The following CERS5 variants were observed in gnomAD, a reference collection of about 807,000 sequenced individuals.
CERS5 encodes the protein ceramide synthase 5.
CERS5 carries 37 observed loss-of-function variants against 58.9 expected under a neutral mutation model. The ratio of observed to expected loss-of-function variants is 0.63; its 90% confidence interval spans 0.48 to 0.83. CERS5 has a LOEUF of 0.83. Ranked by LOEUF, CERS5 falls within the 40% of genes least tolerant of loss-of-function variation. CERS5 has a pLI of 0.00. For synonymous variants in CERS5, 147 were observed against 177.8 expected (o/e 0.83, Z 1.38); for missense variants, 398 against 489.3 (o/e 0.81, Z 1.76).
Position 50,129,721 on chromosome 12 carries a change from C to T in CERS5, c.*824G>A, listed in dbSNP as rs1554845. 0.33 allele frequency: 50,155 copies of T among 151,868 alleles called. 8,505 individuals are homozygous for T. The highest frequency in any genetic ancestry group is 0.4 in the South Asian group (1,907 of 4,812). 9.4% of individuals were successfully genotyped at this position (151,868 alleles called of 1,614,324 possible). Reference sequence around the variant, plus strand: ...GGTGTCCAGGGCCTTCTGAATCAGACCTGGAAAAGCTCTTAATTAGCTTAT... The same window carrying T: ...GGTGTCCAGGGCCTTCTGAATCAGATCTGGAAAAGCTCTTAATTAGCTTAT... On this transcript the variant is annotated 3_prime_UTR_variant, in exon 10 of 10. Transcript: ENST00000317551.
intron 6 of CERS5, among the ~76,000 whole-genome samples, chr12:50,136,426 T>G (rs957705059): frequency 6.6e-6 from 1 of 150,800 alleles, no homozygotes; most frequent in African/African-American, 2.4e-5. Context: ...TGAGCTGAGA[T>G]CGCGCCACTG....
intron 8 of CERS5, 84 bp from the exon 9 acceptor site, chr12:50,134,786 C>T: frequency 2.3e-6 from 3 of 1,304,176 alleles, no homozygotes; most frequent in Non-Finnish European, 3.2e-6. Context: ...ATGCAGAGCC[C>T]TGTGTGTTTT....
chr12:50,154,278 G>C (rs1032265971), intron 1 of CERS5: 3 of 337,882 alleles, frequency 8.9e-6, no homozygotes, highest in African/African-American at 6.6e-5. Context: ...GCTTGAACCA[G>C]GGAGTCGAAG....
intron 1 of CERS5, among the ~76,000 whole-genome samples, chr12:50,150,596 A>G (rs1228011248): frequency 6.6e-6 from 1 of 152,172 alleles, no homozygotes. Flanking sequence ...CTGTGATTAC[A>G]TATGAAAGGA....
At chr12:50,164,287 T>C (rs1939631235) in intron 1 of CERS5, among the ~76,000 whole-genome samples, 1 of 151,464 alleles carries the variant, frequency 6.6e-6, no homozygotes, top group Admixed American at 6.6e-5. Flanking sequence ...TTTTTTTAAT[T>C]AGCTGGGCAT....
chr12:50,146,520 G>A (rs747819646), intron 1 of CERS5, among the ~76,000 whole-genome samples: 2 of 152,104 alleles, frequency 1.3e-5, no homozygotes, highest in Non-Finnish European at 2.9e-5. Context: ...TCGGTGAAAA[G>A]CATAAAGCTA....
intron 1 of CERS5, chr12:50,166,002 T>C (rs1351838302): frequency 4.4e-6 from 2 of 451,396 alleles, no homozygotes; most frequent in East Asian, 1.4e-4. Context: ...GAACAAAGTA[T>C]ACTGCAATTC....
intron 1 of CERS5, among the ~76,000 whole-genome samples, chr12:50,157,482 C>T (rs758473709): frequency 1.3e-5 from 2 of 151,572 alleles, no homozygotes; most frequent in Non-Finnish European, 2.9e-5. Context: ...TATGAATGTA[C>T]AAAGCACTGC....
At chr12:50,143,726 G>A in intron 2 of CERS5, 2 of 464,204 alleles carry the variant, frequency 4.3e-6, no homozygotes, top group Non-Finnish European at 7.8e-6. Flanking sequence ...AAGGGTGGCT[G>A]CTGGGCCTAA....
chr12:50,147,378 G>C (rs1952344008), intron 1 of CERS5: 1 of 139,950 alleles, frequency 7.1e-6, no homozygotes, highest in African/African-American at 2.7e-5. Context: ...ACTCTCTCTG[G>C]CCTGGGTAAC....
intron 1 of CERS5, among the ~76,000 whole-genome samples, chr12:50,156,099 C>CAA (rs34616031): frequency 0.019 from 938 of 48,732 alleles, 50 homozygotes; most frequent in African/African-American, 0.063. Context: ...CATTCTGTCT[C>CAA]AAAAAAAAAA....
intron 1 of CERS5, chr12:50,144,856 C>T: frequency 7.2e-7 from 1 of 1,396,442 alleles, no homozygotes; most frequent in South Asian, 1.3e-5. Context: ...AATAAAAAAG[C>T]CGGGCGTGGT....
intron 1 of CERS5, among the ~76,000 whole-genome samples, chr12:50,161,952 G>A (rs1939344530): frequency 8.2e-6 from 1 of 121,418 alleles, no homozygotes; most frequent in African/African-American, 3.1e-5. Context: ...TCAGCTCACC[G>A]CAACCTCTGC....
chr12:50,148,724 C>T lies in CERS5; in HGVS notation c.198-4667G>A, dbSNP rs1952450341. On this transcript the variant is annotated intron_variant, in intron 1 of 9. Coordinates refer to ENST00000317551, the MANE Select transcript of CERS5 (RefSeq NM_147190.5). ...CCAGCCTGGCCAACATGGCGAAATG[C>T]CATCTTCTACTAAAAATACAACAAC... 1.7e-5 allele frequency: 3 copies of T among 180,620 alleles called. No homozygotes were observed. In the South Asian group the frequency reaches 2.2e-4, roughly 13 times the overall value. The allele number at this position is 180,620 out of a possible 1,614,324, so 11.2% of individuals were successfully genotyped here. A position where few individuals can be genotyped will look rare whatever the true frequency, so the allele number is the denominator to read the frequency against.
chr12:50,142,152 A>C lies in CERS5; in HGVS notation c.435-42T>G, dbSNP rs190963263. On this transcript the variant is annotated intron_variant, in intron 3 of 9. Transcript: ENST00000317551. ...TAAAGGTTAGACAAATGTCCACTCAAACCAAAGCCTCTGAGGCTACGGAAG... is the reference window on the plus strand; with the variant it reads ...TAAAGGTTAGACAAATGTCCACTCACACCAAAGCCTCTGAGGCTACGGAAG... 1.4e-3 allele frequency: 1,976 copies of C among 1,364,080 alleles called. 6 individuals are homozygous for C. Among genetic ancestry groups the C allele is most frequent in the Non-Finnish European group, 1.2e-3 (1,164 of 963,328 alleles). The allele number at this position is 1,364,080 out of a possible 1,614,324, so 84.5% of individuals were successfully genotyped here. A position where few individuals can be genotyped will look rare whatever the true frequency, so the allele number is the denominator to read the frequency against.
intron 9 of CERS5, chr12:50,133,033 G>T: frequency 7.8e-7 from 1 of 1,289,010 alleles, no homozygotes; most frequent in Non-Finnish European, 1.0e-6. Flanking sequence ...AGAGTGGAGA[G>T]TACAGGGTCT....
Position 50,135,308 on chromosome 12 carries a change from AGTGTGTGTGTGTGTGT to A in CERS5, c.872+408_872+423del, listed in dbSNP as rs56858635. 241 of 168,722 alleles carry A rather than the reference AGTGTGTGTGTGTGTGT, an allele frequency of 1.4e-3. 2 individuals are homozygous for A. Among genetic ancestry groups the A allele is most frequent in the East Asian group, 4.4e-3 (27 of 6,184 alleles). The allele number at this position is 168,722 out of a possible 1,614,324, so 10.5% of individuals were successfully genotyped here. ...GGAGAGGGAGGAAGAGAGAGAGAGG[AGTGTGTGTGTGTGTGT>A]GTGTGTGTGTGTGTGTGTGTGTGTG... On this transcript the variant is annotated intron_variant, in intron 8 of 9. Transcript: ENST00000317551.
At chr12:50,146,167 C>T (rs1229353532) in intron 1 of CERS5, among the ~76,000 whole-genome samples, 1 of 152,146 alleles carries the variant, frequency 6.6e-6, no homozygotes, top group Non-Finnish European at 1.5e-5. Flanking sequence ...AGCTGAAAGA[C>T]CTTGTGACTG....
Position 50,130,738 on chromosome 12 carries a change from G to T in CERS5, c.1030-44C>A, listed in dbSNP as rs746253759. On this transcript the variant is annotated intron_variant, in intron 9 of 9. Coordinates refer to ENST00000317551, the MANE Select transcript of CERS5 (RefSeq NM_147190.5). The stretch of plus-strand genomic sequence containing the variant: ...AAGACAGAAAAGTGAGGAAAGAACT[G>T]TAAGACACCTAAGCTCAGAGACCCA... 27 of 1,523,200 alleles carry T rather than the reference G, an allele frequency of 1.8e-5. 1 individual carries two copies. The East Asian group carries it at 2.3e-4, about 13-fold the overall frequency. The allele number at this position is 1,523,200 out of a possible 1,614,324, so 94.4% of individuals were successfully genotyped here. A position where few individuals can be genotyped will look rare whatever the true frequency, so the allele number is the denominator to read the frequency against.
Sources: gnomAD v4.1 joint callset for allele counts (sites outside exome capture counted in the v4.1 genomes callset) on GRCh38, gnomAD v4.1.1 for gene constraint, MANE v1.5 for transcripts, NCBI Gene and HGNC (gene_info 2026-07-23, HGNC 2026-07-21) for gene names.